The following CUL3 variants were observed in gnomAD, a reference collection of about 807,000 sequenced individuals.
The protein encoded by CUL3 is cullin 3.
Under a neutral mutation model 89.1 loss-of-function variants are expected in CUL3, and 19 were observed. The observed-to-expected ratio is 0.21, with a 90% CI of 0.15 to 0.31. CUL3 has a LOEUF of 0.31. CUL3 is among the 10% of genes least tolerant of loss of function. The pLI is 1.00. For missense variants in CUL3, 469 were observed against 942.3 expected (o/e 0.50, Z 6.58); for synonymous variants, 351 against 308.4 (o/e 1.14, Z -1.45).
At chr2:224,570,076 C>T (rs1362951175) in intron 1 of CUL3, among the ~76,000 whole-genome samples, 1 of 151,540 alleles carries the variant, frequency 6.6e-6, no homozygotes, top group African/African-American at 2.4e-5. Context: ...ACTGTAAGCA[C>T]CTCACAGTAG....
chr2:224,521,516 C>A (rs936207669), intron 3 of CUL3, among the ~76,000 whole-genome samples: 1 of 151,676 alleles, frequency 6.6e-6, no homozygotes, highest in African/African-American at 2.4e-5. Context: ...CTGCAACTTC[C>A]GCCTCCCAGG....
chr2:224,490,200 C>T (rs886114901), intron 13 of CUL3, among the ~76,000 whole-genome samples: 4 of 152,174 alleles, frequency 2.6e-5, no homozygotes, highest in Non-Finnish European at 4.4e-5. Flanking sequence ...GCTCCTAGTC[C>T]GCTTTCATGT....
chr2:224,581,314 C>G (rs568474339), intron 1 of CUL3, among the ~76,000 whole-genome samples: 1 of 150,214 alleles, frequency 6.7e-6, no homozygotes, highest in African/African-American at 2.5e-5. Context: ...AAGAATCGCT[C>G]GAACCCAGGA....
At chr2:224,538,657 A>C (rs992768144) in intron 2 of CUL3, among the ~76,000 whole-genome samples, 1 of 152,172 alleles carries the variant, frequency 6.6e-6, no homozygotes, top group African/African-American at 2.4e-5. Flanking sequence ...TACACAGATA[A>C]AGAGTTGGAA....
chr2:224,577,099 T>G (rs1426229227), intron 1 of CUL3, among the ~76,000 whole-genome samples: 1 of 152,224 alleles, frequency 6.6e-6, no homozygotes, highest in Non-Finnish European at 1.5e-5. Flanking sequence ...ACATCCAATT[T>G]TAATATTGGC....
Position 224,584,204 on chromosome 2 carries a change from A to G in CUL3, c.66+740T>C, listed in dbSNP as rs115286041. Among the ~76,000 whole-genome samples the G allele has an allele frequency of 7.9e-3, 1,198 of 152,288 alleles. 7 individuals are homozygous for G. Among genetic ancestry groups the G allele is most frequent in the Non-Finnish European group, 0.013 (862 of 68,024 alleles). ...AGCGATGAAACAAAGCTACTCCGCA[A>G]GGCGACTACACTCATTCTTTGGGCT... On this transcript the variant is annotated intron_variant, in intron 1 of 15. Transcript: ENST00000264414.
chr2:224,478,389 A>C (rs2106143880), intron 14 of CUL3, 44 bp from the exon 15 acceptor site: 1 of 1,574,386 alleles, frequency 6.4e-7, no homozygotes, highest in Non-Finnish European at 8.6e-7. Flanking sequence ...TAATTTTAAA[A>C]TTTGGTTTAT....
rs1440291765 is a variant in CUL3, at chr2:224,473,605, A to G, written c.*640T>C. The G allele has an allele frequency of 5.4e-6, 1 of 186,086 alleles. No individual in the cohort carries two copies. Among genetic ancestry groups the G allele is most frequent in the African/African-American group, 2.3e-5 (1 of 42,718 alleles). The allele number at this position is 186,086 out of a possible 1,614,324, so 11.5% of individuals were successfully genotyped here. A position where few individuals can be genotyped will look rare whatever the true frequency, so the allele number is the denominator to read the frequency against. ...GACTTAATTTGGGAAATCTCAAATTACAACAGGGAGAAACCAAATCAGGAT... is the reference window on the plus strand; with the variant it reads ...GACTTAATTTGGGAAATCTCAAATTGCAACAGGGAGAAACCAAATCAGGAT... On this transcript the variant is annotated 3_prime_UTR_variant, in exon 16 of 16. Transcript: ENST00000264414.
chr2:224,532,159 A>G (rs1322616312), intron 3 of CUL3, among the ~76,000 whole-genome samples: 1 of 152,224 alleles, frequency 6.6e-6, no homozygotes, highest in Non-Finnish European at 1.5e-5. Flanking sequence ...AAATGCATAT[A>G]TGAGTCTGAA....
chr2:224,518,502 G>A (rs1213150630), intron 3 of CUL3, among the ~76,000 whole-genome samples: 1 of 152,034 alleles, frequency 6.6e-6, no homozygotes, highest in Non-Finnish European at 1.5e-5. Flanking sequence ...AGGAATTACT[G>A]GGCTGTATGG....
intron 2 of CUL3, among the ~76,000 whole-genome samples, chr2:224,539,796 G>A (rs1694028432): frequency 6.6e-6 from 1 of 151,942 alleles, no homozygotes; most frequent in Admixed American, 6.6e-5. Flanking sequence ...TATGTAAGTA[G>A]GCAGAGCACA....
At chr2:224,584,884 G>T (rs2934623) in intron 1 of CUL3, 60 bp downstream of exon 1, 1 of 1,325,006 alleles carries the variant, frequency 7.5e-7, no homozygotes. Flanking sequence ...CCCGGGCCTC[G>T]CGTGCGGCTC....
At chr2:224,492,417 G>A (rs570323093) in intron 13 of CUL3, among the ~76,000 whole-genome samples, 7 of 152,068 alleles carry the variant, frequency 4.6e-5, no homozygotes, top group African/African-American at 1.7e-4. Context: ...TTTAAATTCT[G>A]ACATTAATAG....
chr2:224,483,932 G>A (rs1009623595), intron 13 of CUL3, among the ~76,000 whole-genome samples: 1 of 152,150 alleles, frequency 6.6e-6, no homozygotes, highest in African/African-American at 2.4e-5. Flanking sequence ...GCTCACGCCT[G>A]TAATCCCAGC....
At chr2:224,498,492 T>C (rs915731620) in intron 11 of CUL3, among the ~76,000 whole-genome samples, 2 of 152,204 alleles carry the variant, frequency 1.3e-5, no homozygotes, top group African/African-American at 4.8e-5. Context: ...CTTGTCATTT[T>C]GCCTTTCTAC....
intron 4 of CUL3, among the ~76,000 whole-genome samples, chr2:224,514,379 C>T (rs1164027158): frequency 1.3e-5 from 2 of 152,172 alleles, no homozygotes; most frequent in African/African-American, 4.8e-5. Flanking sequence ...TGACGGCTAG[C>T]TGAAAAGCAT....
intron 2 of CUL3, among the ~76,000 whole-genome samples, chr2:224,549,888 A>G (rs1694447309): frequency 1.3e-5 from 2 of 151,844 alleles, no homozygotes; most frequent in Admixed American, 6.6e-5. Context: ...GCACACACAC[A>G]CACGCAAAAT....
intron 2 of CUL3, among the ~76,000 whole-genome samples, chr2:224,554,275 C>T (rs1191915612): frequency 6.6e-6 from 1 of 152,116 alleles, no homozygotes. Context: ...CTCTTCGTCT[C>T]GTTTTCAGAA....
intron 14 of CUL3, 92 bp downstream of exon 14, chr2:224,481,800 G>A (rs1031155134): frequency 1.2e-6 from 1 of 837,616 alleles, no homozygotes; most frequent in Admixed American, 3.4e-5. Flanking sequence ...ACCAGAAAAG[G>A]AGTATTTTTA....
Sources: allele counts gnomAD v4.1 joint callset (sites outside exome capture counted in the v4.1 genomes callset), GRCh38; gene constraint gnomAD v4.1.1; transcripts MANE v1.5; gene names NCBI Gene and HGNC (gene_info 2026-07-23, HGNC 2026-07-21).